GPATCH1: variants seen among roughly 807,000 people sequenced by gnomAD.
GPATCH1 encodes the protein G-patch domain containing 1, also known as G patch domain-containing protein 1.
GPATCH1 carries 73 observed loss-of-function variants against 114.9 expected under a neutral mutation model. The ratio of observed to expected loss-of-function variants is 0.64; its 90% confidence interval spans 0.53 to 0.77. The LOEUF (loss-of-function observed/expected upper bound fraction) is 0.77, where lower values mean the gene tolerates loss of function less well. Ranked by LOEUF, GPATCH1 falls within the 30% of genes least tolerant of loss-of-function variation. GPATCH1 has a pLI of 0.00. For missense variants in GPATCH1, 1,058 were observed against 1,144.3 expected (o/e 0.92, Z 1.09); for synonymous variants, 391 against 428.4 (o/e 0.91, Z 1.08).
chr19:33,084,762 G>T (rs530080026), intron 1 of GPATCH1, among the ~76,000 whole-genome samples: 1 of 151,302 alleles, frequency 6.6e-6, no homozygotes, highest in Non-Finnish European at 1.5e-5. Flanking sequence ...CCAGGTTCAA[G>T]CGATTCTCCT....
intron 17 of GPATCH1, among the ~76,000 whole-genome samples, chr19:33,120,164 A>G (rs1164602608): frequency 7.1e-6 from 1 of 140,710 alleles, no homozygotes; most frequent in Non-Finnish European, 1.5e-5. Flanking sequence ...AATATTTAAA[A>G]TAAATATATA....
chr19:33,090,716 A>G (rs1972584211), intron 2 of GPATCH1, 64 bp from the exon 3 acceptor site: 2 of 974,404 alleles, frequency 2.1e-6, no homozygotes, highest in Non-Finnish European at 3.3e-6. Flanking sequence ...ATGTTATTTA[A>G]TCATTTACTC....
chr19:33,095,396 G>A (rs529346878), intron 5 of GPATCH1, among the ~76,000 whole-genome samples: 7 of 151,856 alleles, frequency 4.6e-5, no homozygotes, highest in African/African-American at 1.7e-4. Context: ...TGAGTAGCTG[G>A]GATTACAGGC....
intron 4 of GPATCH1, 129 bp downstream of exon 4, chr19:33,093,648 G>A: frequency 1.2e-6 from 1 of 850,184 alleles, no homozygotes; most frequent in Non-Finnish European, 1.9e-6. Context: ...AGTGAAAAAG[G>A]GGGTTTTGCG....
intron 15 of GPATCH1, among the ~76,000 whole-genome samples, chr19:33,116,674 C>T (rs920815410): frequency 6.6e-6 from 1 of 152,106 alleles, no homozygotes; most frequent in Non-Finnish European, 1.5e-5. Flanking sequence ...GGACTACAGG[C>T]GCCCGCCACC....
At chr19:33,085,902 G>A (rs1972530049) in intron 1 of GPATCH1, among the ~76,000 whole-genome samples, 2 of 152,120 alleles carry the variant, frequency 1.3e-5, no homozygotes, top group Non-Finnish European at 2.9e-5. Flanking sequence ...GCCGCCACAG[G>A]TTGCACTCAG....
At chr19:33,104,396 AC>A (rs1371980362) in intron 9 of GPATCH1, among the ~76,000 whole-genome samples, 2 of 151,010 alleles carry the variant, frequency 1.3e-5, no homozygotes, top group Non-Finnish European at 2.9e-5. Context: ...TTGTGGACAC[AC>A]TCCTCCTTTC....
At chr19:33,108,449 G>T (rs1972812100) in intron 10 of GPATCH1, among the ~76,000 whole-genome samples, 1 of 151,738 alleles carries the variant, frequency 6.6e-6, no homozygotes, top group Non-Finnish European at 1.5e-5. Context: ...ACTGCCTAAG[G>T]GCCTTTGTGT....
intron 19 of GPATCH1, among the ~76,000 whole-genome samples, 196 bp downstream of exon 19, chr19:33,126,929 C>T (rs1483255210): frequency 6.6e-6 from 1 of 151,700 alleles, no homozygotes; most frequent in Non-Finnish European, 1.5e-5. Context: ...CCAGCCTGGG[C>T]AACATAGTGA....
intron 15 of GPATCH1, among the ~76,000 whole-genome samples, chr19:33,114,884 G>C (rs1488810047): frequency 7.3e-6 from 1 of 137,594 alleles, no homozygotes; most frequent in Non-Finnish European, 1.5e-5. Context: ...CTCACTGCAA[G>C]CTCTGCCTCC....
At chr19:33,100,953 T>C (rs1270512077) in intron 8 of GPATCH1, among the ~76,000 whole-genome samples, 1 of 152,174 alleles carries the variant, frequency 6.6e-6, no homozygotes, top group East Asian at 1.9e-4. Context: ...TCAGAGGGCA[T>C]TGGTCATTCA....
rs1973089673 is a variant in GPATCH1 at position 33,130,233 on chromosome 19, G to A, written c.*73G>A. 2.6e-5 allele frequency: 27 copies of A among 1,027,140 alleles called. No homozygotes were observed. Among genetic ancestry groups the A allele is most frequent in the South Asian group, 1.7e-4 (13 of 78,210 alleles). 63.6% of individuals were successfully genotyped at this position (1,027,140 alleles called of 1,614,324 possible). On this transcript the variant is annotated 3_prime_UTR_variant, in exon 20 of 20. Coordinates refer to ENST00000170564, the MANE Select transcript of GPATCH1 (RefSeq NM_018025.3). Reference sequence around the variant, plus strand: ...GAAGCCCAGTGATTGTTCAGTTAACGCATTGTACAGAGTGTATTTATATGT... The same window carrying A: ...GAAGCCCAGTGATTGTTCAGTTAACACATTGTACAGAGTGTATTTATATGT...
At chr19:33,127,960 C>T (rs1973061969) in intron 19 of GPATCH1, among the ~76,000 whole-genome samples, 1 of 152,176 alleles carries the variant, frequency 6.6e-6, no homozygotes, top group Admixed American at 6.6e-5. Flanking sequence ...TCAGGTGATA[C>T]ACCCACCTTG....
intron 13 of GPATCH1, chr19:33,113,516 T>C: frequency 2.4e-6 from 1 of 408,480 alleles, no homozygotes; most frequent in Admixed American, 4.2e-5. Flanking sequence ...TAGGTATATT[T>C]TTATCAGTGG....
chr19:33,085,726 T>C (rs1972528438), intron 1 of GPATCH1, among the ~76,000 whole-genome samples: 1 of 152,204 alleles, frequency 6.6e-6, no homozygotes, highest in Non-Finnish European at 1.5e-5. Flanking sequence ...TGATATGTAC[T>C]AAAGGAAGGA....
At chr19:33,122,030 T>A (rs1972990050) in intron 17 of GPATCH1, among the ~76,000 whole-genome samples, 1 of 152,162 alleles carries the variant, frequency 6.6e-6, no homozygotes, top group Admixed American at 6.6e-5. Context: ...TTATTTTGTT[T>A]TGTTTTGAGA....
chr19:33,103,968 A>G (rs531236000), intron 9 of GPATCH1, among the ~76,000 whole-genome samples: 1 of 152,192 alleles, frequency 6.6e-6, no homozygotes, highest in Admixed American at 6.6e-5. Flanking sequence ...ACAGATTTAG[A>G]TGGTTCTCTA....
At chr19:33,114,161 C>G (rs959591138) in intron 14 of GPATCH1, 92 bp from the exon 15 acceptor site, 6 of 1,235,830 alleles carry the variant, frequency 4.9e-6, no homozygotes, top group Non-Finnish European at 7.0e-6. Flanking sequence ...CTAGTAGGCA[C>G]GCTGACATTC....
rs565645215 is a variant in GPATCH1, at chr19:33,130,232, C to T, written c.*72C>T. The T allele has an allele frequency of 8.6e-6, 9 of 1,050,034 alleles. No individual in the cohort carries two copies. The highest frequency in any genetic ancestry group is 7.1e-5 in the East Asian group (3 of 42,376). 65.0% of individuals were successfully genotyped at this position (1,050,034 alleles called of 1,614,324 possible). A position where few individuals can be genotyped will look rare whatever the true frequency, so the allele number is the denominator to read the frequency against. ...GGAAGCCCAGTGATTGTTCAGTTAA[C>T]GCATTGTACAGAGTGTATTTATATG... On this transcript the variant is annotated 3_prime_UTR_variant, in exon 20 of 20. Transcript: ENST00000170564.
Sources: gnomAD v4.1 joint callset for allele counts (sites outside exome capture counted in the v4.1 genomes callset) on GRCh38, gnomAD v4.1.1 for gene constraint, MANE v1.5 for transcripts, NCBI Gene and HGNC (gene_info 2026-07-23, HGNC 2026-07-21) for gene names.